The following GPC5 variants were observed in gnomAD, a reference collection of about 807,000 sequenced individuals.
GPC5 encodes the protein glypican-5.
Under a neutral mutation model 53.9 loss-of-function variants are expected in GPC5, and 47 were observed. The ratio of observed to expected loss-of-function variants is 0.87; its 90% CI spans 0.69 to 1.11. GPC5 has a LOEUF of 1.11. Ranked by LOEUF, GPC5 falls within the 50% of genes most tolerant of loss-of-function variation. GPC5 has a pLI of 0.00. For missense variants in GPC5, 748 were observed against 713.1 expected (o/e 1.05, Z -0.56); for synonymous variants, 286 against 263.3 (o/e 1.09, Z -0.84).
intron 2 of GPC5, among the ~76,000 whole-genome samples, chr13:91,571,983 A>G (rs542033135): frequency 1.5e-4 from 22 of 144,122 alleles, no homozygotes; most frequent in African/African-American, 5.1e-4. Context: ...GTATATATGT[A>G]TATATGTGTA....
chr13:92,466,080 A>C (rs576770730), intron 7 of GPC5, among the ~76,000 whole-genome samples: 1 of 152,178 alleles, frequency 6.6e-6, no homozygotes, highest in East Asian at 1.9e-4. Flanking sequence ...AATGATACAA[A>C]TGTGAGGTGA....
intron 7 of GPC5, among the ~76,000 whole-genome samples, chr13:92,705,808 G>A (rs1887930787): frequency 6.6e-6 from 1 of 152,004 alleles, no homozygotes; most frequent in African/African-American, 2.4e-5. Flanking sequence ...ATAAAGGGCT[G>A]GGCACAGTGG....
intron 7 of GPC5, among the ~76,000 whole-genome samples, chr13:92,563,094 A>C (rs1882748197): frequency 6.6e-6 from 1 of 152,040 alleles, no homozygotes; most frequent in African/African-American, 2.4e-5. Context: ...TTTCTATAGC[A>C]GTCTTAAATT....
At chr13:92,513,573 C>CT (rs1880658389) in intron 7 of GPC5, among the ~76,000 whole-genome samples, 2 of 133,194 alleles carry the variant, frequency 1.5e-5, no homozygotes, top group South Asian at 4.7e-4. Flanking sequence ...TTCCTTTTTC[C>CT]TTTTTTCTTT....
intron 7 of GPC5, among the ~76,000 whole-genome samples, chr13:92,283,957 G>T (rs946249790): frequency 1.3e-5 from 2 of 152,136 alleles, no homozygotes; most frequent in Non-Finnish European, 1.5e-5. Flanking sequence ...CCAGGATCTG[G>T]TTTTTTGAAA....
intron 6 of GPC5, among the ~76,000 whole-genome samples, chr13:91,969,079 C>G (rs562201955): frequency 6.6e-6 from 1 of 152,108 alleles, no homozygotes; most frequent in Non-Finnish European, 1.5e-5. Flanking sequence ...AGCGATTCTC[C>G]TGCCTCAGCC....
At chr13:91,623,205 A>G (rs1424477352) in intron 2 of GPC5, among the ~76,000 whole-genome samples, 1 of 152,158 alleles carries the variant, frequency 6.6e-6, no homozygotes, top group Non-Finnish European at 1.5e-5. Context: ...TAGGATGTCA[A>G]AGGAAAACTT....
intron 7 of GPC5, among the ~76,000 whole-genome samples, chr13:92,574,778 A>C (rs1375187620): frequency 6.6e-6 from 1 of 152,202 alleles, no homozygotes; most frequent in Non-Finnish European, 1.5e-5. Context: ...ATGCCAGAGA[A>C]TCATAATAAA....
At chr13:92,444,715 T>TAAAAAAAA (rs71910602) in intron 7 of GPC5, among the ~76,000 whole-genome samples, 6 of 84,192 alleles carry the variant, frequency 7.1e-5, no homozygotes, top group Non-Finnish European at 9.1e-5. Flanking sequence ...TCCTGAAATC[T>TAAAAAAAA]AAAAAAAAAA....
chr13:92,081,127 A>C (rs1219860896), intron 6 of GPC5, among the ~76,000 whole-genome samples: 1 of 151,702 alleles, frequency 6.6e-6, no homozygotes, highest in African/African-American at 2.4e-5. Context: ...TATTTTTTTG[A>C]GATGGAGTTT....
At chr13:92,107,170 G>T (rs946401567) in intron 6 of GPC5, among the ~76,000 whole-genome samples, 3 of 151,940 alleles carry the variant, frequency 2.0e-5, no homozygotes, top group African/African-American at 7.2e-5. Context: ...ATTAAGTGAA[G>T]AATAGGTAAA....
Position 92,301,344 on chromosome 13 carries a change from AAAG to A in GPC5, c.1561+156360_1561+156362del, listed in dbSNP as rs147571339. ...GGAGAAAGAACTGTGCCAAGACATGAAAGAAGATTTCTAAGGGTCTCATTGAAC... is the reference window on the plus strand; with the variant it reads ...GGAGAAAGAACTGTGCCAAGACATGAAAGATTTCTAAGGGTCTCATTGAAC... On this transcript the variant is annotated intron_variant, in intron 7 of 7. Transcript: ENST00000377067. Among the ~76,000 whole-genome samples, 424 of 152,334 alleles carry A rather than the reference AAAG, an allele frequency of 2.8e-3. 11 individuals are homozygous for A. The East Asian group carries it at 0.044, about 16-fold the overall frequency.
At chr13:92,531,659 C>T (rs1421110954) in intron 7 of GPC5, among the ~76,000 whole-genome samples, 1 of 152,112 alleles carries the variant, frequency 6.6e-6, no homozygotes, top group Non-Finnish European at 1.5e-5. Context: ...GTTCAAAAAC[C>T]ATTCCTCAAA....
intron 2 of GPC5, among the ~76,000 whole-genome samples, chr13:91,464,735 C>T (rs569284385): frequency 1.3e-5 from 2 of 152,108 alleles, no homozygotes; most frequent in South Asian, 4.2e-4. Context: ...AGCTTTGTGG[C>T]AATGGAACAG....
rs138947279 is a variant in GPC5 at position 91,416,904 on chromosome 13, A to G, written c.163+17695A>G. Among the ~76,000 whole-genome samples, 709 of 152,280 alleles carry G rather than the reference A, an allele frequency of 4.7e-3. 6 individuals carry two copies. Among genetic ancestry groups the G allele is most frequent in the African/African-American group, 0.016 (676 of 41,562 alleles). On this transcript the variant is annotated intron_variant, in intron 1 of 7. Coordinates refer to ENST00000377067, the MANE Select transcript of GPC5 (RefSeq NM_004466.6). Reference sequence around the variant, plus strand: ...CTTTGCTATTGTGAATAGTGCTGCAATCATTGAGAAAACCAGTTTATTTTC... The same window carrying G: ...CTTTGCTATTGTGAATAGTGCTGCAGTCATTGAGAAAACCAGTTTATTTTC...
intron 7 of GPC5, among the ~76,000 whole-genome samples, chr13:92,530,470 T>A (rs1374683321): frequency 6.6e-6 from 1 of 152,090 alleles, no homozygotes; most frequent in Admixed American, 6.6e-5. Flanking sequence ...GCATTGAAGT[T>A]TTTTTGTTTT....
At chr13:91,975,597 T>C (rs2040292347) in intron 6 of GPC5, among the ~76,000 whole-genome samples, 1 of 152,030 alleles carries the variant, frequency 6.6e-6, no homozygotes, top group South Asian at 2.1e-4. Context: ...GTTAGAAAGG[T>C]GATCATTAAA....
chr13:91,803,708 A>G (rs58383288), intron 5 of GPC5, among the ~76,000 whole-genome samples: 3,854 of 152,016 alleles, frequency 0.025, 162 homozygotes, highest in African/African-American at 0.087. Context: ...GTTGAATTAA[A>G]TTTCCTAAAA....
chr13:92,408,495 CA>C, intron 7 of GPC5, among the ~76,000 whole-genome samples: 1 of 151,830 alleles, frequency 6.6e-6, no homozygotes, highest in Non-Finnish European at 1.5e-5. Context: ...ATATTTAAGT[CA>C]TCTGTAACTA....
Sources: allele counts gnomAD v4.1 joint callset (sites outside exome capture counted in the v4.1 genomes callset), GRCh38; gene constraint gnomAD v4.1.1; transcripts MANE v1.5; gene names NCBI Gene and HGNC (gene_info 2026-07-23, HGNC 2026-07-21).